NRG1: variants seen among roughly 807,000 people sequenced by gnomAD.
NRG1 encodes neuregulin 1, also known as pro-neuregulin-1, membrane-bound isoform.
In NRG1, 18 loss-of-function variants were observed where a neutral mutation model predicts 63.8. The ratio of observed to expected loss-of-function variants is 0.28; its 90% CI spans 0.19 to 0.42. The LOEUF is 0.42. Among genes scored for constraint, NRG1 ranks in the 10% least tolerant of loss-of-function variants. The pLI is 1.00. For synonymous variants in NRG1, 302 were observed against 301.3 expected, an observed-to-expected ratio of 1.00 and a Z score of -0.02; for missense variants, 762 against 814.7, an observed-to-expected ratio of 0.94 and a Z score of 0.79.
chr8:31,871,608 T>C (rs2129611629), intron 1 of NRG1, among the ~76,000 whole-genome samples: 1 of 152,050 alleles, frequency 6.6e-6, no homozygotes, highest in South Asian at 2.1e-4. Flanking sequence ...CCTGGGACTT[T>C]CACTAAAAAA....
chr8:32,439,496 A>G (rs1019794076), intron 1 of NRG1, among the ~76,000 whole-genome samples: 1 of 152,178 alleles, frequency 6.6e-6, no homozygotes, highest in African/African-American at 2.4e-5. Context: ...AAAATAAAAT[A>G]ACTTGTATGT....
chr8:31,939,987 C>T (rs1801510716), intron 1 of NRG1, among the ~76,000 whole-genome samples: 1 of 152,020 alleles, frequency 6.6e-6, no homozygotes, highest in South Asian at 2.1e-4. Context: ...TCAGTACTCC[C>T]CTGACAGCAC....
intron 3 of NRG1, among the ~76,000 whole-genome samples, chr8:32,609,558 CCTTCCTTCCTTCCT>C (rs1563760379): frequency 0.022 from 1,017 of 46,174 alleles, 44 homozygotes; most frequent in African/African-American, 0.065. Context: ...CTCCCTCCTT[CCTTCCTTCCTTCCT>C]TCCTTCCTTC....
intron 1 of NRG1, among the ~76,000 whole-genome samples, chr8:31,981,599 T>G (rs1158649700): frequency 6.6e-6 from 1 of 152,090 alleles, no homozygotes; most frequent in Non-Finnish European, 1.5e-5. Context: ...TACCTTGATA[T>G]GCTAATGGTG....
intron 1 of NRG1, among the ~76,000 whole-genome samples, chr8:32,173,022 C>G (rs1377558128): frequency 6.6e-6 from 1 of 151,998 alleles, no homozygotes; most frequent in East Asian, 1.9e-4. Flanking sequence ...AGAGCAACTC[C>G]AAGACACATA....
chr8:32,671,600 A>G (rs1056038573), intron 5 of NRG1, among the ~76,000 whole-genome samples: 3 of 152,220 alleles, frequency 2.0e-5, no homozygotes, highest in South Asian at 2.1e-4. Context: ...ACGCACACAC[A>G]TGCAACCAAT....
chr8:32,697,981 G>A lies in NRG1; in HGVS notation c.503-29968G>A, dbSNP rs183381279. Among the ~76,000 whole-genome samples the A allele has an allele frequency of 1.3e-3, 205 of 152,288 alleles. 1 individual carries two copies. The highest frequency in any genetic ancestry group is 4.7e-3 in the African/African-American group (195 of 41,558). On this transcript the variant is annotated intron_variant, in intron 5 of 11. Coordinates refer to ENST00000356819, the Ensembl canonical transcript of NRG1. ...CCAGCACTTTGGGAGGCCAAGGCAGGCAGATCACGAGGTCAAGAGATCGTG... is the reference window on the plus strand; with the variant it reads ...CCAGCACTTTGGGAGGCCAAGGCAGACAGATCACGAGGTCAAGAGATCGTG...
At chr8:32,149,164 G>C (rs1837223058) in intron 1 of NRG1, among the ~76,000 whole-genome samples, 1 of 152,098 alleles carries the variant, frequency 6.6e-6, no homozygotes, top group African/African-American at 2.4e-5. Context: ...TCACTCTGTT[G>C]GTGAGTTTTG....
chr8:31,768,782 A>T (rs143814954), intron 1 of NRG1, among the ~76,000 whole-genome samples: 2 of 152,318 alleles, frequency 1.3e-5, no homozygotes, highest in Non-Finnish European at 2.9e-5. Flanking sequence ...CATCAGAAGA[A>T]TCTGCTCCCC....
chr8:31,904,678 A>T (rs925834806), intron 1 of NRG1, among the ~76,000 whole-genome samples: 1 of 152,236 alleles, frequency 6.6e-6, no homozygotes, highest in South Asian at 2.1e-4. Flanking sequence ...CATATACATC[A>T]TCAAATACTA....
At chr8:32,137,455 T>A (rs753941160) in intron 1 of NRG1, among the ~76,000 whole-genome samples, 1 of 151,994 alleles carries the variant, frequency 6.6e-6, no homozygotes, top group African/African-American at 2.4e-5. Flanking sequence ...AGAAAAAAAA[T>A]AAAATAAAAG....
At chr8:32,483,413 C>T (rs1193380327) in intron 1 of NRG1, among the ~76,000 whole-genome samples, 1 of 152,172 alleles carries the variant, frequency 6.6e-6, no homozygotes, top group African/African-American at 2.4e-5. Flanking sequence ...ATCATTTGAC[C>T]TCTACTCCAT....
At chr8:31,703,590 A>G (rs1445196462) in intron 1 of NRG1, among the ~76,000 whole-genome samples, 2 of 152,196 alleles carry the variant, frequency 1.3e-5, no homozygotes, top group Non-Finnish European at 2.9e-5. Context: ...TCTTGCTTAA[A>G]TGTATGAGCT....
At chr8:31,662,896 C>T (rs1806142932) in intron 1 of NRG1, among the ~76,000 whole-genome samples, 1 of 152,150 alleles carries the variant, frequency 6.6e-6, no homozygotes, top group Admixed American at 6.5e-5. Flanking sequence ...TACAACTCCT[C>T]CTGCTGATAA....
intron 1 of NRG1, among the ~76,000 whole-genome samples, chr8:31,676,036 T>A (rs1171914050): frequency 2.0e-5 from 3 of 152,164 alleles, no homozygotes; most frequent in African/African-American, 7.2e-5. Flanking sequence ...ATGAAATCCA[T>A]TAATGATATA....
At chr8:31,800,368 T>C (rs1821457073) in intron 1 of NRG1, among the ~76,000 whole-genome samples, 1 of 152,218 alleles carries the variant, frequency 6.6e-6, no homozygotes, top group Non-Finnish European at 1.5e-5. Context: ...AGTCATTACA[T>C]GTCTAAATCT....
chr8:32,389,824 G>A (rs936177144), intron 1 of NRG1, among the ~76,000 whole-genome samples: 2 of 150,922 alleles, frequency 1.3e-5, no homozygotes, highest in African/African-American at 2.4e-5. Context: ...GCAGTGGCGC[G>A]ATCTCAGCTC....
At chr8:31,876,213 T>A (rs1205457475) in intron 1 of NRG1, among the ~76,000 whole-genome samples, 1 of 152,174 alleles carries the variant, frequency 6.6e-6, no homozygotes, top group Non-Finnish European at 1.5e-5. Context: ...GAGCCTAAGT[T>A]AGGATATGAC....
chr8:31,903,956 C>CA (rs575640192), intron 1 of NRG1, among the ~76,000 whole-genome samples: 51 of 150,762 alleles, frequency 3.4e-4, no homozygotes, highest in Non-Finnish European at 6.2e-4. Flanking sequence ...TGTCTCAAAA[C>CA]AAAAAAAAAT....
Sources: gnomAD v4.1 joint callset for allele counts (sites outside exome capture counted in the v4.1 genomes callset) on GRCh38, gnomAD v4.1.1 for gene constraint, MANE v1.5 for transcripts, NCBI Gene and HGNC (gene_info 2026-07-23, HGNC 2026-07-21) for gene names.